Variants in TRABD2B observed in about 807,000 individuals in gnomAD.
The protein encoded by TRABD2B is TraB domain containing 2B, also known as metalloprotease TIKI2.
Under a neutral mutation model 40.1 loss-of-function variants are expected in TRABD2B, and 14 were observed. The observed-to-expected ratio is 0.35, with a 90% CI of 0.23 to 0.55. The LOEUF (loss-of-function observed/expected upper bound fraction) is 0.55, where lower values mean the gene tolerates loss of function less well. Among genes scored for constraint, TRABD2B ranks in the 20% least tolerant of loss-of-function variants. The pLI is 0.90. For missense variants in TRABD2B, 541 were observed against 648.6 expected (o/e 0.83, Z 1.80); for synonymous variants, 263 against 277.0 (o/e 0.95, Z 0.50).
intron 2 of TRABD2B, among the ~76,000 whole-genome samples, chr1:47,989,539 G>T (rs1014932415): frequency 3.3e-5 from 5 of 152,088 alleles, no homozygotes; most frequent in Non-Finnish European, 2.9e-5. Context: ...CCTATATTGG[G>T]GGGTGTGTGT....
At chr1:47,885,252 C>G (rs949338917) in intron 2 of TRABD2B, among the ~76,000 whole-genome samples, 3 of 152,258 alleles carry the variant, frequency 2.0e-5, no homozygotes, top group Non-Finnish European at 4.4e-5. Context: ...CCAACTCCTA[C>G]ACATCCTTTG....
At chr1:47,923,162 A>G (rs4927241) in intron 2 of TRABD2B, among the ~76,000 whole-genome samples, 3,578 of 152,276 alleles carry the variant, frequency 0.023, 106 homozygotes, top group Admixed American at 0.09. Flanking sequence ...TTTCAGCCTG[A>G]GTGTCACCTC....
chr1:47,864,393 C>A (rs1214568044), intron 2 of TRABD2B, among the ~76,000 whole-genome samples: 2 of 151,896 alleles, frequency 1.3e-5, no homozygotes, highest in Admixed American at 1.3e-4. Context: ...GGATGCTGTG[C>A]ACATGTTGGG....
chr1:47,951,152 C>G (rs1216844583), intron 2 of TRABD2B, among the ~76,000 whole-genome samples: 1 of 152,202 alleles, frequency 6.6e-6, no homozygotes, highest in Admixed American at 6.5e-5. Context: ...TCCCCAGCGC[C>G]AAGCCAAGCG....
At chr1:47,823,029 G>T (rs1645130784) in intron 2 of TRABD2B, among the ~76,000 whole-genome samples, 2 of 152,260 alleles carry the variant, frequency 1.3e-5, no homozygotes, top group Admixed American at 1.3e-4. Flanking sequence ...GAAGAGTGGT[G>T]ATGGGGACAT....
intron 2 of TRABD2B, among the ~76,000 whole-genome samples, chr1:47,904,381 TG>T (rs1422225790): frequency 1.3e-5 from 2 of 152,088 alleles, no homozygotes; most frequent in African/African-American, 4.8e-5. Context: ...ACTCAGTAGG[TG>T]AAGACATTTA....
intron 2 of TRABD2B, among the ~76,000 whole-genome samples, chr1:47,935,086 G>A (rs910890366): frequency 2.0e-5 from 3 of 152,154 alleles, no homozygotes; most frequent in Non-Finnish European, 4.4e-5. Flanking sequence ...CCTCCCACCC[G>A]CAGGTAGACA....
intron 2 of TRABD2B, among the ~76,000 whole-genome samples, chr1:47,853,656 C>T (rs1433792092): frequency 6.6e-6 from 1 of 152,148 alleles, no homozygotes; most frequent in African/African-American, 2.4e-5. Context: ...GATTCCTCCC[C>T]TACCATCCAC....
chr1:47,854,779 T>C (rs1348114482), intron 2 of TRABD2B, among the ~76,000 whole-genome samples: 2 of 152,238 alleles, frequency 1.3e-5, no homozygotes, highest in Admixed American at 6.5e-5. Flanking sequence ...TGAGCTTGTT[T>C]GCATTTTGTT....
intron 2 of TRABD2B, among the ~76,000 whole-genome samples, chr1:47,904,797 T>C (rs972753448): frequency 6.6e-6 from 1 of 152,260 alleles, no homozygotes; most frequent in South Asian, 2.1e-4. Context: ...GTTCTTCTAA[T>C]TGAGTTAAGC....
intron 2 of TRABD2B, 90 bp downstream of exon 2, chr1:47,993,944 C>T: frequency 7.5e-6 from 10 of 1,332,216 alleles, no homozygotes; most frequent in Non-Finnish European, 9.0e-6. Flanking sequence ...CTGGCTGCCT[C>T]CCCCTCCCCC....
intron 2 of TRABD2B, among the ~76,000 whole-genome samples, chr1:47,930,618 G>C (rs896438169): frequency 1.3e-5 from 2 of 152,210 alleles, no homozygotes; most frequent in African/African-American, 4.8e-5. Flanking sequence ...TTGGCTTATA[G>C]TTGGCAACAA....
At chr1:47,917,499 T>C (rs1034089791) in intron 2 of TRABD2B, among the ~76,000 whole-genome samples, 9 of 151,898 alleles carry the variant, frequency 5.9e-5, no homozygotes, top group African/African-American at 1.9e-4. Context: ...GGTGGGAGGA[T>C]TGCTTGAGCC....
intron 2 of TRABD2B, among the ~76,000 whole-genome samples, chr1:47,832,706 C>G (rs551420568): frequency 9.8e-5 from 15 of 152,292 alleles, no homozygotes; most frequent in Non-Finnish European, 2.1e-4. Flanking sequence ...CAAGTCTTGA[C>G]GCTGGGTGCT....
intron 2 of TRABD2B, among the ~76,000 whole-genome samples, chr1:47,851,493 G>C (rs926999366): frequency 6.6e-6 from 1 of 152,198 alleles, no homozygotes; most frequent in Non-Finnish European, 1.5e-5. Flanking sequence ...AAGGGAGGGA[G>C]AGAGGGAAAG....
At chr1:47,874,974 C>T (rs536903056) in intron 2 of TRABD2B, among the ~76,000 whole-genome samples, 1 of 152,220 alleles carries the variant, frequency 6.6e-6, no homozygotes, top group East Asian at 1.9e-4. Flanking sequence ...AACCCAGGAG[C>T]TCCTCAACTC....
At chr1:47,844,462 C>A (rs1645441323) in intron 2 of TRABD2B, among the ~76,000 whole-genome samples, 1 of 152,148 alleles carries the variant, frequency 6.6e-6, no homozygotes, top group Non-Finnish European at 1.5e-5. Flanking sequence ...TCTCTCATTG[C>A]CCAGATGCCG....
intron 2 of TRABD2B, among the ~76,000 whole-genome samples, chr1:47,882,460 G>T (rs1644318826): frequency 6.6e-6 from 1 of 152,170 alleles, no homozygotes; most frequent in Non-Finnish European, 1.5e-5. Flanking sequence ...CGGGTGAGGG[G>T]GTCTCTGTTC....
At chr1:47,842,316 G>A (rs960699672) in intron 2 of TRABD2B, among the ~76,000 whole-genome samples, 2 of 152,126 alleles carry the variant, frequency 1.3e-5, no homozygotes, top group Non-Finnish European at 2.9e-5. Context: ...CTCAGAGTTC[G>A]TTTGACCACC....
Sources: allele counts gnomAD v4.1 joint callset (sites outside exome capture counted in the v4.1 genomes callset), GRCh38; gene constraint gnomAD v4.1.1; transcripts MANE v1.5; gene names NCBI Gene and HGNC (gene_info 2026-07-23, HGNC 2026-07-21).